The following SEMA4D variants were observed in gnomAD, a reference collection of about 807,000 sequenced individuals.
SEMA4D encodes semaphorin-4D.
SEMA4D carries 22 observed loss-of-function variants against 74.8 expected under a neutral mutation model. The observed-to-expected ratio is 0.29, with a 90% CI of 0.21 to 0.42. SEMA4D has a LOEUF of 0.42. SEMA4D is among the 10% of genes least tolerant of loss of function. The probability of loss-of-function intolerance (pLI) is 1.00; values close to 1 mark genes in which losing one functional copy is unlikely to be tolerated. For missense variants in SEMA4D, 937 were observed against 1,118.4 expected, an observed-to-expected ratio of 0.84 and a Z score of 2.31; for synonymous variants, 445 against 463.7, an observed-to-expected ratio of 0.96 and a Z score of 0.52.
At chr9:89,389,069 G>A (rs145325721) in intron 9 of SEMA4D, 22 bp from the exon 10 acceptor site, 138 of 1,613,330 alleles carry the variant, frequency 8.6e-5, no homozygotes, top group African/African-American at 8.1e-4. Context: ...ACAAGAAGAC[G>A]TGGTGGGCCG....
downstream of SEMA4D, chr9:89,377,058 G>A (rs1249714277): frequency 6.5e-7 from 1 of 1,527,712 alleles, no homozygotes; most frequent in Non-Finnish European, 8.9e-7. Context: ...GAGGCTGTGA[G>A]ACAGAGAGGA....
At chr9:89,371,868 G>T (rs1320512815) in intron 16 of SEMA4D, among the ~76,000 whole-genome samples, 3 of 65,962 alleles carry the variant, frequency 4.5e-5, no homozygotes, top group African/African-American at 1.4e-4. Context: ...GGTGTGTGTG[G>T]GGGGGTGTGA....
intron 2 of SEMA4D, among the ~76,000 whole-genome samples, chr9:89,422,334 G>C (rs1337856625): frequency 6.6e-6 from 1 of 152,234 alleles, no homozygotes; most frequent in East Asian, 1.9e-4. Context: ...GTCAGATATA[G>C]ACTGTAGACC....
In SEMA4D at chr9:89,388,810, G is replaced by T. The variant is rs755816132; in HGVS notation, c.951-18C>A. ...CGTTGTTCCTGGGGAGGGGAAAGAGGTGACGGGACCACCTGGCGGCATCAA... is the reference window on the plus strand; with the variant it reads ...CGTTGTTCCTGGGGAGGGGAAAGAGTTGACGGGACCACCTGGCGGCATCAA... On this transcript the variant is annotated intron_variant, in intron 10 of 15. Coordinates refer to ENST00000422704, the MANE Select transcript of SEMA4D (RefSeq NM_001371194.2). The T allele has an allele frequency of 6.8e-6, 11 of 1,606,142 alleles. 1 individual carries two copies. In the South Asian group the frequency reaches 1.2e-4, roughly 18 times the overall value.
intron 2 of SEMA4D, among the ~76,000 whole-genome samples, chr9:89,438,508 T>C (rs915239356): frequency 3.3e-5 from 5 of 152,196 alleles, no homozygotes; most frequent in Admixed American, 2.0e-4. Context: ...ATCCAGTACA[T>C]CACGGGCTGA....
At chr9:89,407,014 G>A (rs1044173317) in intron 2 of SEMA4D, among the ~76,000 whole-genome samples, 3 of 149,708 alleles carry the variant, frequency 2.0e-5, no homozygotes, top group African/African-American at 5.0e-5. Flanking sequence ...ACACATCTGG[G>A]GCTTGTCTCC....
At chr9:89,448,826 C>A (rs187729073) in intron 2 of SEMA4D, among the ~76,000 whole-genome samples, 163 of 152,296 alleles carry the variant, frequency 1.1e-3, no homozygotes, top group African/African-American at 3.8e-3. Flanking sequence ...AGGACTCCAG[C>A]GTGTGTCCTG....
Position 89,363,137 on chromosome 9 carries a change from G to A in SEMA4D, c.2190+293C>T, listed in dbSNP as rs543598524. On this transcript the variant is annotated intron_variant, in intron 18 of 18. Coordinates refer to the SEMA4D transcript ENST00000339861. ...GCTCTGTACAGAGAATGGGGTGGTC[G>A]TGGGGGCCCATCTAACTAGACAGCC... Among the ~76,000 whole-genome samples the A allele has an allele frequency of 1.9e-3, 287 of 152,292 alleles. 1 individual carries two copies. The highest frequency in any genetic ancestry group is 6.4e-3 in the African/African-American group (267 of 41,560).
chr9:89,384,983 A>T, intron 13 of SEMA4D: 1 of 985,390 alleles, frequency 1.0e-6, no homozygotes, highest in Non-Finnish European at 1.2e-6. Context: ...CCACGAATGG[A>T]GGCTCCTACA....
At chr9:89,476,543 A>G (rs1588152278) in intron 1 of SEMA4D, among the ~76,000 whole-genome samples, 1 of 152,322 alleles carries the variant, frequency 6.6e-6, no homozygotes, top group East Asian at 1.9e-4. Context: ...ACCTCCCCCA[A>G]GGAGAAGAGC....
Position 89,405,657 on chromosome 9 carries a change from G to A in SEMA4D, c.-201C>T. ...GAGGGGTCGCTCTCACCACCGCAAT[G>A]TCAAAGCCCACTTGATACTTCTTCA... is the stretch of plus-strand genomic sequence containing the variant. On this transcript the variant is annotated 5_prime_UTR_variant, in exon 3 of 16. Coordinates refer to ENST00000422704, the MANE Select transcript of SEMA4D (RefSeq NM_001371194.2). 1 of 1,420,760 alleles carries A rather than the reference G, an allele frequency of 7.0e-7. No individual in the cohort carries two copies. The highest frequency in any genetic ancestry group is 1.4e-5 in the African/African-American group (1 of 69,516). 88.0% of individuals were successfully genotyped at this position (1,420,760 alleles called of 1,614,324 possible).
At position 89,388,991 on chromosome 9, in the gene SEMA4D, G is replaced by C; in HGVS notation, c.831C>G (p.Ala277=). Residue 277 remains alanine, a synonymous_variant, in exon 10 of 16, where the codon GCC becomes GCG. Coordinates refer to ENST00000422704, the MANE Select transcript of SEMA4D (RefSeq NM_001371194.2). ...LQKKWTSFLK[A]RLICSRPDSG... ...TGTCTGGCCGGGAGCAGATGAGTCGGGCTTTCAGGAAGGAGGTCCATTTCT... is the reference window on the plus strand; with the variant it reads ...TGTCTGGCCGGGAGCAGATGAGTCGCGCTTTCAGGAAGGAGGTCCATTTCT... 1 of 1,614,090 alleles carries C rather than the reference G, an allele frequency of 6.2e-7. No homozygotes were observed. Among genetic ancestry groups the C allele is most frequent in the Non-Finnish European group, 8.5e-7 (1 of 1,180,026 alleles).
At chr9:89,371,807 G>T (rs1834932118) in intron 16 of SEMA4D, among the ~76,000 whole-genome samples, 1 of 77,096 alleles carries the variant, frequency 1.3e-5, no homozygotes, top group Non-Finnish European at 2.7e-5. Flanking sequence ...GTGTGTGTGT[G>T]GGGGGTGTGT....
chr9:89,427,650 G>A (rs1848384684), intron 2 of SEMA4D, among the ~76,000 whole-genome samples: 1 of 152,246 alleles, frequency 6.6e-6, no homozygotes, highest in African/African-American at 2.4e-5. Context: ...GCACCTGCAA[G>A]TGGCATTTAG....
At chr9:89,470,771 A>C (rs1859976080) in intron 1 of SEMA4D, among the ~76,000 whole-genome samples, 1 of 152,234 alleles carries the variant, frequency 6.6e-6, no homozygotes, top group Non-Finnish European at 1.5e-5. Context: ...TCAACGGCAC[A>C]GTGGTGAGTG....
At chr9:89,388,261 C>T (rs578133233) in intron 11 of SEMA4D, among the ~76,000 whole-genome samples, 1 of 152,330 alleles carries the variant, frequency 6.6e-6, no homozygotes, top group South Asian at 2.1e-4. Flanking sequence ...CCAATTTCTA[C>T]ATAAAGTTCA....
intron 2 of SEMA4D, among the ~76,000 whole-genome samples, chr9:89,422,809 G>A (rs72748984): frequency 0.044 from 6,661 of 152,264 alleles, 194 homozygotes; most frequent in Non-Finnish European, 0.066. Flanking sequence ...AGATGGGCAC[G>A]GGGGAGATTC....
chr9:89,475,340 G>A (rs1861495536), intron 1 of SEMA4D, among the ~76,000 whole-genome samples: 1 of 152,186 alleles, frequency 6.6e-6, no homozygotes, highest in Non-Finnish European at 1.5e-5. Context: ...AGCAGGGAAG[G>A]GGACACATGC....
At chr9:89,414,357 G>C (rs1445628353) in intron 2 of SEMA4D, among the ~76,000 whole-genome samples, 1 of 152,198 alleles carries the variant, frequency 6.6e-6, no homozygotes, top group Non-Finnish European at 1.5e-5. Flanking sequence ...TTGCCCAGAT[G>C]GGGCAGGTAA....
Sources: gnomAD v4.1 joint callset for allele counts (sites outside exome capture counted in the v4.1 genomes callset) on GRCh38, gnomAD v4.1.1 for gene constraint, MANE v1.5 for transcripts, NCBI Gene and HGNC (gene_info 2026-07-23, HGNC 2026-07-21) for gene names.